Variants in RBMS3 observed in about 807,000 individuals in gnomAD.
The protein encoded by RBMS3 is RNA binding motif single stranded interacting protein 3, also known as RNA-binding motif, single-stranded-interacting protein 3.
Under a neutral mutation model 66.8 loss-of-function variants are expected in RBMS3, and 27 were observed. The observed-to-expected ratio is 0.40, with a 90% confidence interval of 0.30 to 0.56. The LOEUF (loss-of-function observed/expected upper bound fraction) is 0.56. Among genes scored for constraint, RBMS3 ranks in the 20% least tolerant of loss-of-function variants. The pLI is 0.40. For synonymous variants in RBMS3, 188 were observed against 183.0 expected (o/e 1.03, Z -0.22); for missense variants, 513 against 549.5 (o/e 0.93, Z 0.66).
At chr3:29,486,468 A>G (rs2043322651) in intron 2 of RBMS3, among the ~76,000 whole-genome samples, 1 of 152,154 alleles carries the variant, frequency 6.6e-6, no homozygotes, top group Non-Finnish European at 1.5e-5. Flanking sequence ...AAGGAAATCA[A>G]GAAATAGTAT....
intron 2 of RBMS3, among the ~76,000 whole-genome samples, chr3:29,475,596 T>C (rs908403457): frequency 2.0e-5 from 3 of 152,184 alleles, no homozygotes; most frequent in African/African-American, 7.2e-5. Context: ...TGGTTGGTCT[T>C]ATCTTTCCTC....
At chr3:29,368,191 A>G (rs1231460813) in intron 1 of RBMS3, among the ~76,000 whole-genome samples, 1 of 152,166 alleles carries the variant, frequency 6.6e-6, no homozygotes, top group East Asian at 1.9e-4. Context: ...TAGCTTACCA[A>G]TGGAAGTTAG....
chr3:29,838,684 C>T (rs1211391340), intron 6 of RBMS3, among the ~76,000 whole-genome samples: 1 of 152,092 alleles, frequency 6.6e-6, no homozygotes, highest in Non-Finnish European at 1.5e-5. Context: ...CTGATTTAGT[C>T]AATTATTTAC....
At chr3:29,347,004 A>G (rs1403922987) in intron 1 of RBMS3, among the ~76,000 whole-genome samples, 4 of 152,124 alleles carry the variant, frequency 2.6e-5, no homozygotes, top group Non-Finnish European at 5.9e-5. Context: ...GTTTTTTTCT[A>G]GTTGTGCTCT....
chr3:29,468,278 C>G (rs778233059), intron 2 of RBMS3, among the ~76,000 whole-genome samples: 2 of 152,152 alleles, frequency 1.3e-5, no homozygotes, highest in Non-Finnish European at 2.9e-5. Flanking sequence ...CAGAAGATCT[C>G]TATGTCCTCT....
At chr3:29,761,034 A>ATTTAAG (rs765736726) in intron 5 of RBMS3, among the ~76,000 whole-genome samples, 3,222 of 152,188 alleles carry the variant, frequency 0.021, 61 homozygotes, top group Non-Finnish European at 0.033. Context: ...CTCTCTTGTC[A>ATTTAAG]TAGCAGGATC....
intron 4 of RBMS3, among the ~76,000 whole-genome samples, chr3:29,612,452 GT>G (rs1277310773): frequency 6.6e-6 from 1 of 152,096 alleles, no homozygotes; most frequent in African/African-American, 2.4e-5. Context: ...CATGTGAAAT[GT>G]TTTAGTAGCA....
chr3:29,352,954 T>A (rs1244972059), intron 1 of RBMS3, among the ~76,000 whole-genome samples: 1 of 151,986 alleles, frequency 6.6e-6, no homozygotes, highest in Non-Finnish European at 1.5e-5. Context: ...GTACAGTATT[T>A]CATTGTGTAT....
At chr3:29,699,339 C>G (rs890011188) in intron 4 of RBMS3, among the ~76,000 whole-genome samples, 1 of 152,070 alleles carries the variant, frequency 6.6e-6, no homozygotes, top group Non-Finnish European at 1.5e-5. Context: ...AAAGTAGAGT[C>G]AGGGTTTCAT....
intron 3 of RBMS3, among the ~76,000 whole-genome samples, chr3:29,570,385 C>T (rs1428817657): frequency 3.9e-5 from 6 of 151,994 alleles, no homozygotes; most frequent in Admixed American, 3.9e-4. Context: ...ACTGTAGTCA[C>T]CCTGTTGTGC....
chr3:29,842,823 G>C (rs1048101490), intron 6 of RBMS3, among the ~76,000 whole-genome samples: 1 of 152,184 alleles, frequency 6.6e-6, no homozygotes, highest in Non-Finnish European at 1.5e-5. Context: ...GTGAGGAAGG[G>C]GCTGCAAGCC....
chr3:29,849,108 A>G (rs1371875605), intron 6 of RBMS3, among the ~76,000 whole-genome samples: 4 of 151,686 alleles, frequency 2.6e-5, no homozygotes, highest in Non-Finnish European at 5.9e-5. Flanking sequence ...ATTTTTGAAT[A>G]TTGTCTTTCA....
intron 4 of RBMS3, among the ~76,000 whole-genome samples, chr3:29,639,593 C>CAGAGAGAGAGAG (rs60712857): frequency 0.017 from 2,444 of 143,118 alleles, 71 homozygotes; most frequent in East Asian, 0.099. Context: ...AGAAGATAGA[C>CAGAGAGAGAGAG]AGAGAGAGAG....
At chr3:29,393,634 C>T (rs974961837) in intron 1 of RBMS3, among the ~76,000 whole-genome samples, 12 of 152,010 alleles carry the variant, frequency 7.9e-5, no homozygotes, top group African/African-American at 2.4e-4. Context: ...CCCAAACTAT[C>T]GGGGGAAACA....
intron 7 of RBMS3, among the ~76,000 whole-genome samples, chr3:29,871,009 C>T (rs1314270235): frequency 4.6e-5 from 7 of 152,026 alleles, no homozygotes; most frequent in African/African-American, 1.2e-4. Flanking sequence ...GTGCCCATCA[C>T]TTTATATTTT....
chr3:29,566,227 A>C (rs553280132), intron 3 of RBMS3, among the ~76,000 whole-genome samples: 1 of 152,258 alleles, frequency 6.6e-6, no homozygotes, highest in Admixed American at 6.5e-5. Context: ...AAATAAAATA[A>C]TCCACAAATT....
intron 5 of RBMS3, among the ~76,000 whole-genome samples, chr3:29,749,693 G>A (rs141895579): frequency 1.5e-3 from 232 of 152,256 alleles, no homozygotes; most frequent in African/African-American, 5.3e-3. Flanking sequence ...CAGGAACCTT[G>A]TAAGAGAACC....
At chr3:29,488,174 A>G (rs935638873) in intron 2 of RBMS3, among the ~76,000 whole-genome samples, 4 of 152,198 alleles carry the variant, frequency 2.6e-5, no homozygotes, top group African/African-American at 9.7e-5. Flanking sequence ...TGTGATCACA[A>G]TCACATGTGA....
intron 4 of RBMS3, among the ~76,000 whole-genome samples, chr3:29,731,278 TG>T (rs1553651596): frequency 6.6e-6 from 1 of 152,208 alleles, no homozygotes; most frequent in Non-Finnish European, 1.5e-5. Context: ...AATAAGTAAA[TG>T]CTTCTTTTTA....
Sources: allele counts gnomAD v4.1 joint callset (sites outside exome capture counted in the v4.1 genomes callset), GRCh38; gene constraint gnomAD v4.1.1; transcripts MANE v1.5; gene names NCBI Gene and HGNC (gene_info 2026-07-23, HGNC 2026-07-21).